The following VPS50 variants were observed in gnomAD, a reference collection of about 807,000 sequenced individuals.
VPS50 encodes syndetin.
In VPS50, 70 loss-of-function variants were observed where a neutral mutation model predicts 139.7. The observed-to-expected ratio is 0.50, with a 90% CI of 0.41 to 0.61. VPS50 has a LOEUF of 0.61. Ranked by LOEUF, VPS50 falls within the 20% of genes least tolerant of loss-of-function variation. The probability of loss-of-function intolerance (pLI) is 0.00; values close to 1 mark genes in which losing one functional copy is unlikely to be tolerated. For missense variants in VPS50, 921 were observed against 1,133.7 expected (o/e 0.81, Z 2.69); for synonymous variants, 365 against 376.7 (o/e 0.97, Z 0.36).
In VPS50 at chr7:93,308,850, T is replaced by C. The variant is rs1283595991; in HGVS notation, c.1656T>C (p.Ser552=). 6.2e-7 allele frequency: 1 copy of C among 1,603,118 alleles called. No homozygotes were observed. Among genetic ancestry groups the C allele is most frequent in the East Asian group, 2.2e-5 (1 of 44,702 alleles). ...NGYESDEQEK[S]AYQEYDSDSD... ...ATGAATCTGATGAACAAGAAAAGAGTGCCTATCAAGAGTATGACAGTGACA... is the reference window on the plus strand; with the variant it reads ...ATGAATCTGATGAACAAGAAAAGAGCGCCTATCAAGAGTATGACAGTGACA... The change falls in exon 19 of 28, where the codon AGT becomes AGC. Residue 552 remains serine (S), a synonymous_variant. Coordinates refer to ENST00000305866, the MANE Select transcript of VPS50 (RefSeq NM_017667.4).
At chr7:93,267,253 C>G (rs1156940451) in intron 9 of VPS50, among the ~76,000 whole-genome samples, 2 of 152,192 alleles carry the variant, frequency 1.3e-5, no homozygotes, top group African/African-American at 4.8e-5. Context: ...TTCTGTTACT[C>G]TAGGATCAGC....
chr7:93,288,859 C>T (rs541136411), intron 12 of VPS50, among the ~76,000 whole-genome samples: 2 of 152,138 alleles, frequency 1.3e-5, no homozygotes, highest in Middle Eastern at 3.4e-3. Flanking sequence ...GGAGTCGGTC[C>T]ACGTGAAACC....
At chr7:93,317,955 A>C (rs1797476984) in intron 20 of VPS50, among the ~76,000 whole-genome samples, 1 of 152,106 alleles carries the variant, frequency 6.6e-6, no homozygotes, top group Non-Finnish European at 1.5e-5. Context: ...ACCATGTTTT[A>C]TGATTAAGTT....
intron 12 of VPS50, among the ~76,000 whole-genome samples, chr7:93,284,534 A>AT (rs1491232971): frequency 1.3e-5 from 2 of 152,096 alleles, no homozygotes; most frequent in Non-Finnish European, 2.9e-5. Flanking sequence ...TACATATTAC[A>AT]TGTCTTATGT....
At chr7:93,353,798 T>C (rs1480160417) in intron 26 of VPS50, 37 bp downstream of exon 26, 1 of 1,497,568 alleles carries the variant, frequency 6.7e-7, no homozygotes, top group Non-Finnish European at 9.2e-7. Flanking sequence ...GTTTCTTTAA[T>C]GACAAATTGT....
At chr7:93,344,151 G>A (rs1466306648) in intron 23 of VPS50, among the ~76,000 whole-genome samples, 8 of 151,758 alleles carry the variant, frequency 5.3e-5, no homozygotes, top group African/African-American at 9.7e-5. Flanking sequence ...CAAGCAAATC[G>A]AAAACAAAAA....
At chr7:93,292,243 G>T (rs1443845058) in intron 13 of VPS50, among the ~76,000 whole-genome samples, 2 of 151,954 alleles carry the variant, frequency 1.3e-5, no homozygotes, top group Admixed American at 6.6e-5. Context: ...TAGGTTCTAA[G>T]AATTAATTAT....
In VPS50 at chr7:93,334,163, C is replaced by A; in HGVS notation, c.2024C>A (p.Thr675Asn). 1 of 1,595,440 alleles carries A rather than the reference C, an allele frequency of 6.3e-7. No individual in the cohort carries two copies. The highest frequency in any genetic ancestry group is 8.6e-7 in the Non-Finnish European group (1 of 1,167,110). ...LGLSSSRLRTTLNRIQESLID... is the reference protein window; with the variant it reads ...LGLSSSRLRTNLNRIQESLID... Reference sequence around the variant, plus strand: ...CTTAGTAGTAGTAGACTAAGAACAACTCTAAACAGAATACAAGAAAGCCTT... The same window carrying A: ...CTTAGTAGTAGTAGACTAAGAACAAATCTAAACAGAATACAAGAAAGCCTT... The change falls in exon 22 of 28, where the codon ACT becomes AAT. Residue 675 changes from threonine to asparagine, a missense_variant. Physicochemically the swap from Thr to Asn is moderately conservative, Grantham distance 65. Transcript: ENST00000305866.
chr7:93,311,769 G>T (rs1797275883), intron 20 of VPS50, among the ~76,000 whole-genome samples: 1 of 152,056 alleles, frequency 6.6e-6, no homozygotes, highest in African/African-American at 2.4e-5. Flanking sequence ...TGATGATTTT[G>T]TAGAAGGCAA....
chr7:93,348,789 TCAG>T lies in VPS50; in HGVS notation c.2290_2292del (p.Gln764del). ...TGCCTGCAGTCAAAAAGCCCTTTCT[TCAG>T]CAGTTCTATTCTCAGGTCAGACATG... On this transcript the variant is annotated inframe_deletion, in exon 24 of 28. Coordinates refer to ENST00000305866, the MANE Select transcript of VPS50 (RefSeq NM_017667.4). The T allele has an allele frequency of 6.2e-7, 1 of 1,611,136 alleles. No individual in the cohort carries two copies. Among genetic ancestry groups the T allele is most frequent in the Non-Finnish European group, 8.5e-7 (1 of 1,177,372 alleles).
At chr7:93,342,980 G>T (rs1320437276) in intron 23 of VPS50, among the ~76,000 whole-genome samples, 1 of 152,152 alleles carries the variant, frequency 6.6e-6, no homozygotes, top group Non-Finnish European at 1.5e-5. Context: ...AAAGCTGGAC[G>T]GAGAATGACT....
intron 22 of VPS50, among the ~76,000 whole-genome samples, chr7:93,338,479 C>T (rs1055518915): frequency 7.2e-5 from 11 of 152,074 alleles, no homozygotes; most frequent in Admixed American, 3.3e-4. Context: ...GAGTGAGCCA[C>T]CCTTATTCAA....
rs1342065935 is a variant in VPS50 at position 93,232,443 on chromosome 7, A to G, written c.-25A>G. 7 of 1,604,270 alleles carry G rather than the reference A, an allele frequency of 4.4e-6. No individual in the cohort carries two copies. Among genetic ancestry groups the G allele is most frequent in the Non-Finnish European group, 5.1e-6 (6 of 1,171,430 alleles). On this transcript the variant is annotated 5_prime_UTR_variant, in exon 1 of 28. Transcript: ENST00000305866. Reference sequence around the variant, plus strand: ...GTGTGATTTGTTAGCTCTTTGAGGCAGGGTACCCTCCTCAGGATTTCGATA... The same window carrying G: ...GTGTGATTTGTTAGCTCTTTGAGGCGGGGTACCCTCCTCAGGATTTCGATA...
At chr7:93,350,287 A>T (rs950478614) in intron 25 of VPS50, among the ~76,000 whole-genome samples, 2 of 152,208 alleles carry the variant, frequency 1.3e-5, no homozygotes, top group African/African-American at 4.8e-5. Flanking sequence ...TGACTTTCAT[A>T]TTATGTAATC....
chr7:93,289,121 A>G (rs1796576727), intron 12 of VPS50, among the ~76,000 whole-genome samples: 4 of 152,112 alleles, frequency 2.6e-5, no homozygotes, highest in Admixed American at 2.6e-4. Flanking sequence ...GGTTAAGAAG[A>G]TAGCTCAGAG....
chr7:93,296,606 G>A, intron 14 of VPS50, 136 bp from the exon 15 acceptor site: 1 of 1,436,818 alleles, frequency 7.0e-7, no homozygotes. Flanking sequence ...TTGGCTATTG[G>A]CCTAAATAGA....
chr7:93,360,631 T>C lies in VPS50; in HGVS notation c.*2195T>C, dbSNP rs1409408232. 1.3e-5 allele frequency: 2 copies of C among 152,088 alleles called. No homozygotes were observed. The highest frequency in any genetic ancestry group is 2.9e-5 in the Non-Finnish European group (2 of 67,980). The allele number at this position is 152,088 out of a possible 1,614,324, so 9.4% of individuals were successfully genotyped here. A position where few individuals can be genotyped will look rare whatever the true frequency, so the allele number is the denominator to read the frequency against. On this transcript the variant is annotated 3_prime_UTR_variant, in exon 28 of 28. Transcript: ENST00000305866. ...AAAGCTGAGAATGTAAATGGAATTA[T>C]ACGTGTTCCAAAAACTATCATTACC... is the stretch of plus-strand genomic sequence containing the variant.
intron 20 of VPS50, among the ~76,000 whole-genome samples, chr7:93,316,265 G>A (rs1000686434): frequency 6.6e-6 from 1 of 152,184 alleles, no homozygotes; most frequent in Admixed American, 6.5e-5. Context: ...AGAAAGATGG[G>A]CAAGAACAGG....
intron 26 of VPS50, 123 bp downstream of exon 26, chr7:93,353,884 G>C: frequency 1.3e-6 from 1 of 756,752 alleles, no homozygotes; most frequent in Non-Finnish European, 2.1e-6. Flanking sequence ...ACAAGTTTGG[G>C]ATATAATTAG....
Sources: allele counts gnomAD v4.1 joint callset (sites outside exome capture counted in the v4.1 genomes callset), GRCh38; gene constraint gnomAD v4.1.1; transcripts MANE v1.5; gene names NCBI Gene and HGNC (gene_info 2026-07-23, HGNC 2026-07-21).